The following DUSP10 variants were observed in gnomAD, a reference collection of about 807,000 sequenced individuals.
DUSP10 encodes dual specificity phosphatase 10.
In DUSP10, 14 loss-of-function variants were observed where a neutral mutation model predicts 30.8. The observed-to-expected ratio is 0.46, with a 90% confidence interval of 0.30 to 0.71. The LOEUF (loss-of-function observed/expected upper bound fraction) is 0.71. Among genes scored for constraint, DUSP10 ranks in the 30% least tolerant of loss-of-function variants. DUSP10 has a pLI of 0.08. For synonymous variants in DUSP10, 254 were observed against 250.4 expected (o/e 1.01, Z -0.14); for missense variants, 550 against 619.4 (o/e 0.89, Z 1.19).
intron 2 of DUSP10, 106 bp downstream of exon 2, chr1:221,738,828 T>C (rs1661857029): frequency 2.2e-6 from 3 of 1,377,490 alleles, no homozygotes; most frequent in Admixed American, 2.3e-5. Context: ...AAAGTCTATT[T>C]TGGTCTTTGG....
chr1:221,703,919 C>T (rs375875849), intron 3 of DUSP10, among the ~76,000 whole-genome samples: 1 of 152,180 alleles, frequency 6.6e-6, no homozygotes, highest in East Asian at 1.9e-4. Flanking sequence ...AAGTTTACTT[C>T]TCATAGTCAA....
intron 2 of DUSP10, among the ~76,000 whole-genome samples, chr1:221,723,739 T>C (rs1366259908): frequency 6.6e-6 from 1 of 152,242 alleles, no homozygotes; most frequent in Non-Finnish European, 1.5e-5. Context: ...ATATGGAGCT[T>C]CTAGGCCCTC....
At chr1:221,709,775 G>A (rs1558117402) in intron 2 of DUSP10, among the ~76,000 whole-genome samples, 1 of 152,014 alleles carries the variant, frequency 6.6e-6, no homozygotes, top group Non-Finnish European at 1.5e-5. Context: ...TGGAGGGGAG[G>A]GGGAAGAGTA....
At chr1:221,718,411 C>T (rs1661180971) in intron 2 of DUSP10, among the ~76,000 whole-genome samples, 1 of 152,038 alleles carries the variant, frequency 6.6e-6, no homozygotes. Context: ...TTTTTGCTCA[C>T]TGGTCTCAAA....
rs75748255 is a variant in DUSP10, at chr1:221,735,103, C to T, written c.811+3831G>A. On this transcript the variant is annotated intron_variant, in intron 2 of 3. Coordinates refer to ENST00000366899, the MANE Select transcript of DUSP10 (RefSeq NM_007207.6). ...GTGATGAAGTTTTATAGTATAAAGG[C>T]CTAACTGCCTGCATGATCAAATCCT... Among the ~76,000 whole-genome samples the T allele has an allele frequency of 1.7e-3, 254 of 152,290 alleles. 2 individuals carry two copies. The highest frequency in any genetic ancestry group is 5.6e-3 in the African/African-American group (234 of 41,548).
chr1:221,702,330 A>T lies in DUSP10; in HGVS notation c.*82T>A. The T allele has an allele frequency of 6.7e-7, 1 of 1,489,680 alleles. No individual in the cohort carries two copies. Among genetic ancestry groups the T allele is most frequent in the Non-Finnish European group, 9.0e-7 (1 of 1,110,166 alleles). The allele number at this position is 1,489,680 out of a possible 1,614,324, so 92.3% of individuals were successfully genotyped here. ...CTTACTCCCAACTACAAAAAAAAAA[A>T]GAAAGAAAAAAAACCAGAATCCATC... On this transcript the variant is annotated 3_prime_UTR_variant, in exon 4 of 4. Transcript: ENST00000366899. This position sits in a 1 kb window ranked among gnomAD's most constrained non-coding sequence, Gnocchi z 4.5.
rs897335150 is a variant in DUSP10, at chr1:221,702,458, G to A, written c.1403C>T (p.Pro468Leu). 7 of 1,613,918 alleles carry A rather than the reference G, an allele frequency of 4.3e-6. No homozygotes were observed. Among genetic ancestry groups the A allele is most frequent in the Non-Finnish European group, 5.1e-6 (6 of 1,180,032 alleles). ...CATCAGCTTTGGTGTAAGGATTCTC[G>A]GTGTCACACCGTTGTTTAGGTCTTC... ...FEEDLNNGVT[P>L]RILTPKLMGV... Residue 468 changes from proline (P) to leucine (L), a missense_variant, in exon 4 of 4, where the codon CCG (proline) becomes CTG (leucine). Pro to Leu is a moderately conservative substitution (Grantham distance 98). Coordinates refer to ENST00000366899, the MANE Select transcript of DUSP10 (RefSeq NM_007207.6). This position sits in a 1 kb window ranked among gnomAD's most constrained non-coding sequence, Gnocchi z 4.5.
At chr1:221,738,646 C>T (rs755856357) in intron 2 of DUSP10, among the ~76,000 whole-genome samples, 2 of 152,204 alleles carry the variant, frequency 1.3e-5, no homozygotes, top group Non-Finnish European at 2.9e-5. Flanking sequence ...GTGTATAAAG[C>T]CCCTTTTTAG....
Position 221,702,807 on chromosome 1 carries a change from C to A in DUSP10, c.1184-130G>T. On this transcript the variant is annotated intron_variant, in intron 3 of 3. Transcript: ENST00000366899. This position sits in a 1 kb window ranked among gnomAD's most constrained non-coding sequence, Gnocchi z 4.5. ...TAATGAATTAAAACAGTTTTAAAGC[C>A]AAGTATAATCCACTAGTTCATTACG... The A allele has an allele frequency of 3.1e-6, 3 of 959,892 alleles. No homozygotes were observed. Among genetic ancestry groups the A allele is most frequent in the Non-Finnish European group, 4.5e-6 (3 of 660,146 alleles). The allele number at this position is 959,892 out of a possible 1,614,324, so 59.5% of individuals were successfully genotyped here.
At chr1:221,738,911 TG>T (rs1558128605) in intron 2 of DUSP10, 22 bp downstream of exon 2, 1 of 1,576,400 alleles carries the variant, frequency 6.3e-7, no homozygotes, top group Non-Finnish European at 8.6e-7. Flanking sequence ...GGACCGTGCT[TG>T]GGAAGGGAGC....
At chr1:221,714,101 T>C (rs544177474) in intron 2 of DUSP10, among the ~76,000 whole-genome samples, 18 of 152,324 alleles carry the variant, frequency 1.2e-4, no homozygotes, top group Middle Eastern at 3.4e-3. Flanking sequence ...AGAATTTGCC[T>C]GAATTTTGAG....
chr1:221,706,232 C>A lies in DUSP10; in HGVS notation c.1046G>T (p.Gly349Val). ...ATGAGTGGTGACGTTGATGACGTAG[C>A]CGATGTTCAGCCGCTGCATGGTGTC... Reference protein sequence around the residue: ...DLDTMQRLNIGYVINVTTHLP... With the variant: ...DLDTMQRLNIVYVINVTTHLP... The change falls in exon 3 of 4, where the codon GGC (glycine) becomes GTC (valine). Residue 349 changes from glycine (G) to valine (V), a missense_variant. Transcript: ENST00000366899. This position sits in a 1 kb window ranked among gnomAD's most constrained non-coding sequence, Gnocchi z 4.6. The A allele has an allele frequency of 6.2e-7, 1 of 1,614,110 alleles. No individual in the cohort carries two copies. The highest frequency in any genetic ancestry group is 8.5e-7 in the Non-Finnish European group (1 of 1,180,026).
chr1:221,726,312 C>A (rs147243136), intron 2 of DUSP10, among the ~76,000 whole-genome samples: 5 of 152,282 alleles, frequency 3.3e-5, no homozygotes, highest in African/African-American at 1.2e-4. Flanking sequence ...CAAGAGGTTT[C>A]TCTTGTCATA....
intron 2 of DUSP10, among the ~76,000 whole-genome samples, chr1:221,727,885 T>A (rs1394042478): frequency 6.6e-6 from 1 of 152,186 alleles, no homozygotes; most frequent in African/African-American, 2.4e-5. Flanking sequence ...CTTACTGCTA[T>A]GGTTTGAATA....
chr1:221,739,182 A>G lies in DUSP10; in HGVS notation c.563T>C (p.Ile188Thr). The change falls in exon 2 of 4, where the codon ATC becomes ACC. Residue 188 changes from isoleucine (I) to threonine (T), a missense_variant. Coordinates refer to ENST00000366899, the MANE Select transcript of DUSP10 (RefSeq NM_007207.6). The part of the protein sequence containing the change: ...RPFMEYNKSH[I>T]QGAVHINCAD... The stretch of plus-strand genomic sequence containing the variant: ...ACAGTTAATGTGGACAGCTCCTTGG[A>G]TGTGACTCTTGTTGTACTCCATGAA... The G allele has an allele frequency of 1.2e-6, 2 of 1,614,136 alleles. No individual in the cohort carries two copies. The highest frequency in any genetic ancestry group is 1.7e-6 in the Non-Finnish European group (2 of 1,180,030).
intron 2 of DUSP10, among the ~76,000 whole-genome samples, chr1:221,718,986 G>A (rs1571818442): frequency 6.6e-6 from 1 of 152,194 alleles, no homozygotes; most frequent in East Asian, 1.9e-4. Flanking sequence ...AGTTACACAG[G>A]TGAAGCCTGG....
At chr1:221,725,817 A>G (rs1353607662) in intron 2 of DUSP10, among the ~76,000 whole-genome samples, 1 of 151,552 alleles carries the variant, frequency 6.6e-6, no homozygotes, top group Non-Finnish European at 1.5e-5. Context: ...ATCTCACTAA[A>G]TCTACCTCTT....
chr1:221,722,224 G>A lies in DUSP10; in HGVS notation c.812-15758C>T, dbSNP rs73110847. ...GCCCTAGATCTCTCAAAGAGCAATA[G>A]CACGCTATAACGCTCTTGAAAGGTA... On this transcript the variant is annotated intron_variant, in intron 2 of 3. Transcript: ENST00000366899. Among the ~76,000 whole-genome samples the A allele has an allele frequency of 3.2e-3, 482 of 152,340 alleles. 3 individuals are homozygous for A. The highest frequency in any genetic ancestry group is 0.011 in the African/African-American group (463 of 41,586).
rs1403633253 is a variant in DUSP10 at position 221,735,489 on chromosome 1, A to G, written c.811+3445T>C. On this transcript the variant is annotated intron_variant, in intron 2 of 3. Transcript: ENST00000366899. ...CTATAAAATATTTCCAGCTTTATTG[A>G]ATTTGAAACATTAATTTACACATTA... Among the ~76,000 whole-genome samples, 106 of 152,238 alleles carry G rather than the reference A, an allele frequency of 7.0e-4. 2 individuals carry two copies. The highest frequency in any genetic ancestry group is 6.9e-3 in the Admixed American group (106 of 15,280).
Sources: allele counts gnomAD v4.1 joint callset (sites outside exome capture counted in the v4.1 genomes callset), GRCh38; gene constraint gnomAD v4.1.1; non-coding constraint Gnocchi (gnomAD v3.1); transcripts MANE v1.5; gene names NCBI Gene and HGNC (gene_info 2026-07-23, HGNC 2026-07-21).